RAB27B: variants seen among roughly 807,000 people sequenced by gnomAD.
The protein encoded by RAB27B is RAB27B, member RAS oncogene family.
RAB27B carries 15 observed loss-of-function variants against 24.6 expected under a neutral mutation model. The observed-to-expected ratio is 0.61, with a 90% CI of 0.41 to 0.94. RAB27B has a LOEUF of 0.94. Ranked by LOEUF, RAB27B falls within the 40% of genes least tolerant of loss-of-function variation. RAB27B has a pLI of 0.00. For synonymous variants in RAB27B, 105 were observed against 92.5 expected (o/e 1.14, Z -0.78); for missense variants, 261 against 266.8 (o/e 0.98, Z 0.15).
intron 2 of RAB27B, among the ~76,000 whole-genome samples, chr18:54,760,192 C>T (rs1168561240): frequency 6.6e-6 from 1 of 152,184 alleles, no homozygotes; most frequent in Non-Finnish European, 1.5e-5. Context: ...CCCCTGCACC[C>T]ACTTACCTAT....
chr18:54,770,866 A>G (rs1359362528), intron 2 of RAB27B, among the ~76,000 whole-genome samples: 1 of 152,172 alleles, frequency 6.6e-6, no homozygotes, highest in Admixed American at 6.5e-5. Flanking sequence ...AAACACCAGC[A>G]TCATTTGATT....
At chr18:54,763,855 T>G (rs1258711619) in intron 2 of RAB27B, among the ~76,000 whole-genome samples, 1 of 152,090 alleles carries the variant, frequency 6.6e-6, no homozygotes, top group Non-Finnish European at 1.5e-5. Flanking sequence ...ATCGGATGAA[T>G]GAGAGATATG....
At chr18:54,834,451 G>T (rs1178465086) in intron 1 of RAB27B, among the ~76,000 whole-genome samples, 2 of 152,096 alleles carry the variant, frequency 1.3e-5, no homozygotes, top group African/African-American at 4.8e-5. Flanking sequence ...TAAAATAAAA[G>T]GTAAGGGTTG....
chr18:54,785,398 G>A (rs574594901), intron 2 of RAB27B, among the ~76,000 whole-genome samples: 21 of 150,594 alleles, frequency 1.4e-4, no homozygotes, highest in African/African-American at 3.7e-4. Flanking sequence ...CACTGAACCC[G>A]GCCCTGGATG....
chr18:54,787,791 T>G (rs1909134998), intron 2 of RAB27B, among the ~76,000 whole-genome samples: 1 of 152,132 alleles, frequency 6.6e-6, no homozygotes, highest in Non-Finnish European at 1.5e-5. Flanking sequence ...ATGAGGTTTA[T>G]GAAGAATTTA....
chr18:54,857,791 C>T (rs758740299), intron 1 of RAB27B, among the ~76,000 whole-genome samples: 43 of 152,202 alleles, frequency 2.8e-4, no homozygotes, highest in Non-Finnish European at 4.0e-4. Flanking sequence ...CCTGATATAG[C>T]CCAGTAAATG....
At chr18:54,811,395 G>A (rs767742652) in intron 2 of RAB27B, among the ~76,000 whole-genome samples, 13 of 152,110 alleles carry the variant, frequency 8.5e-5, no homozygotes, top group Non-Finnish European at 1.6e-4. Context: ...GGTTCAGTCC[G>A]GAACGGTGGG....
intron 2 of RAB27B, among the ~76,000 whole-genome samples, chr18:54,756,421 G>C (rs533183400): frequency 3.3e-5 from 5 of 152,204 alleles, no homozygotes; most frequent in Admixed American, 3.3e-4. Flanking sequence ...CTATAGGTTC[G>C]ATTCTTCCTG....
chr18:54,866,991 A>G (rs894311233), intron 1 of RAB27B, among the ~76,000 whole-genome samples: 4 of 152,176 alleles, frequency 2.6e-5, no homozygotes, highest in African/African-American at 7.2e-5. Context: ...GAGTCAGAGA[A>G]CAAAAAGAGC....
At chr18:54,867,423 C>CTT (rs1555666305) in intron 1 of RAB27B, among the ~76,000 whole-genome samples, 1 of 124,796 alleles carries the variant, frequency 8.0e-6, no homozygotes, top group Non-Finnish European at 1.6e-5. Flanking sequence ...AAGCCTGATG[C>CTT]TTTCTTTTCT....
chr18:54,802,228 G>T (rs1396700648), intron 2 of RAB27B, among the ~76,000 whole-genome samples: 1 of 152,206 alleles, frequency 6.6e-6, no homozygotes, highest in South Asian at 2.1e-4. Flanking sequence ...CTGTGATACT[G>T]TTAGTAGTAG....
rs918325716 is a variant in RAB27B at position 54,892,072 on chromosome 18, CTACTT to C, written c.*2662_*2666del. ...GTTCTGGTGCCATAAAGTATACAGA[CTACTT>C]TAAAGATTTCCAAATCCCCTAATTT... On this transcript the variant is annotated 3_prime_UTR_variant, in exon 6 of 6. Transcript: ENST00000262094. 16 of 152,142 alleles carry C rather than the reference CTACTT, an allele frequency of 1.1e-4. No individual in the cohort carries two copies. The highest frequency in any genetic ancestry group is 3.6e-4 in the African/African-American group (15 of 41,530). 9.4% of individuals were successfully genotyped at this position (152,142 alleles called of 1,614,324 possible).
intron 2 of RAB27B, 110 bp downstream of exon 2, chr18:54,877,848 A>G: frequency 9.2e-7 from 1 of 1,092,054 alleles, no homozygotes; most frequent in Non-Finnish European, 1.3e-6. Context: ...CACGAAATTC[A>G]TAACCTGTCA....
chr18:54,742,408 G>A (rs1420729707), intron 2 of RAB27B, among the ~76,000 whole-genome samples: 2 of 152,164 alleles, frequency 1.3e-5, no homozygotes, highest in East Asian at 1.9e-4. Context: ...AAAAGTACAT[G>A]TACATGATGT....
At chr18:54,884,690 C>A (rs1039078906) in intron 4 of RAB27B, among the ~76,000 whole-genome samples, 3 of 152,066 alleles carry the variant, frequency 2.0e-5, no homozygotes, top group Non-Finnish European at 2.9e-5. Flanking sequence ...GCTTTATCAC[C>A]ACTTGTATTT....
chr18:54,819,614 AT>A (rs1910237021), intron 2 of RAB27B, among the ~76,000 whole-genome samples: 1 of 149,684 alleles, frequency 6.7e-6, no homozygotes, highest in Non-Finnish European at 1.5e-5. Flanking sequence ...TTTATTTTTT[AT>A]TTTTATTATA....
At chr18:54,763,405 G>A (rs1264358931) in intron 2 of RAB27B, among the ~76,000 whole-genome samples, 1 of 152,118 alleles carries the variant, frequency 6.6e-6, no homozygotes, top group Non-Finnish European at 1.5e-5. Context: ...TAGAGCCCAG[G>A]GAGGGAGAGG....
intron 2 of RAB27B, among the ~76,000 whole-genome samples, chr18:54,722,763 C>T (rs1909401213): frequency 6.6e-6 from 1 of 152,200 alleles, no homozygotes; most frequent in South Asian, 2.1e-4. Flanking sequence ...AACTGCTATA[C>T]ATTTTTTTAA....
intron 1 of RAB27B, among the ~76,000 whole-genome samples, chr18:54,871,491 C>T (rs1176365923): frequency 1.3e-5 from 2 of 152,156 alleles, no homozygotes; most frequent in Non-Finnish European, 2.9e-5. Context: ...TAAACATCTG[C>T]TTATCTTGTG....
Sources: gnomAD v4.1 joint callset for allele counts (sites outside exome capture counted in the v4.1 genomes callset) on GRCh38, gnomAD v4.1.1 for gene constraint, MANE v1.5 for transcripts, NCBI Gene and HGNC (gene_info 2026-07-23, HGNC 2026-07-21) for gene names.